Variants in UROS observed in about 807,000 individuals in gnomAD.
The protein encoded by UROS is uroporphyrinogen III synthase.
A neutral mutation model predicts 33.0 loss-of-function variants in UROS; 18 were observed. The observed-to-expected ratio is 0.55, with a 90% confidence interval of 0.38 to 0.81. The LOEUF is 0.81. Ranked by LOEUF, UROS falls within the 30% of genes least tolerant of loss-of-function variation. UROS has a pLI of 0.00. For synonymous variants in UROS, 114 were observed against 121.1 expected, an observed-to-expected ratio of 0.94 and a Z score of 0.38; for missense variants, 293 against 314.9, an observed-to-expected ratio of 0.93 and a Z score of 0.53.
chr10:125,808,290 G>C (rs1852507707), intron 5 of UROS, among the ~76,000 whole-genome samples: 1 of 152,216 alleles, frequency 6.6e-6, no homozygotes, highest in Admixed American at 6.5e-5. Flanking sequence ...TTTCCACTTA[G>C]GAGTCACACA....
At chr10:125,804,475 C>A (rs1000390607) in intron 6 of UROS, among the ~76,000 whole-genome samples, 6 of 152,190 alleles carry the variant, frequency 3.9e-5, no homozygotes, top group African/African-American at 1.2e-4. Context: ...GTTCTGTGAG[C>A]CATTCTAGCA....
chr10:125,795,996 A>T (rs1851318264), intron 8 of UROS, 107 bp downstream of exon 8: 2 of 955,152 alleles, frequency 2.1e-6, no homozygotes, highest in Non-Finnish European at 3.4e-6. Context: ...ACAGCTGGGG[A>T]CAGTGAAACC....
At chr10:125,802,650 T>A (rs956135734) in intron 6 of UROS, 46 of 1,191,604 alleles carry the variant, frequency 3.9e-5, no homozygotes, top group Non-Finnish European at 4.8e-5. Flanking sequence ...GATTACAGTC[T>A]CCTGAACTGT....
chr10:125,795,306 A>G (rs986125130), intron 8 of UROS: 7 of 385,042 alleles, frequency 1.8e-5, no homozygotes, highest in African/African-American at 4.2e-5. Flanking sequence ...CACTGATCAC[A>G]TGAGGCAGTG....
At chr10:125,799,578 G>A (rs1232548583) in intron 6 of UROS, among the ~76,000 whole-genome samples, 1 of 152,204 alleles carries the variant, frequency 6.6e-6, no homozygotes, top group Non-Finnish European at 1.5e-5. Flanking sequence ...GTCCAGTGGA[G>A]TCCTGAGCTG....
At chr10:125,802,133 T>A in intron 6 of UROS, 1 of 985,474 alleles carries the variant, frequency 1.0e-6, no homozygotes, top group Non-Finnish European at 1.2e-6. Context: ...TGATGATGAC[T>A]CTCTAGAAAC....
At chr10:125,822,847 G>A (rs1854110497) in intron 1 of UROS, among the ~76,000 whole-genome samples, 182 bp downstream of exon 1, 1 of 152,206 alleles carries the variant, frequency 6.6e-6, no homozygotes, top group Admixed American at 6.5e-5. Context: ...AGGGTAGGCT[G>A]GGCAGGCGCC....
rs1478712535 is a variant in UROS, at chr10:125,823,119, G to A, written c.-117C>T. 1 of 157,352 alleles carries A rather than the reference G, an allele frequency of 6.4e-6. No homozygotes were observed. The highest frequency in any genetic ancestry group is 1.9e-4 in the East Asian group (1 of 5,324). The allele number at this position is 157,352 out of a possible 1,614,324, so 9.7% of individuals were successfully genotyped here. ...CGCAGTCCCAGCGAAAAGGCTGCAG[G>A]AGCAATGACAACAGGGGCGGAAGCC... On this transcript the variant is annotated 5_prime_UTR_variant, in exon 1 of 10. Coordinates refer to ENST00000368797, the MANE Select transcript of UROS (RefSeq NM_000375.3).
chr10:125,802,512 T>C, intron 6 of UROS: 1 of 990,278 alleles, frequency 1.0e-6, no homozygotes, highest in Non-Finnish European at 1.2e-6. Flanking sequence ...TGAATTGGCC[T>C]CCAGAGGGCT....
intron 6 of UROS, chr10:125,803,163 C>A: frequency 8.3e-7 from 1 of 1,206,520 alleles, no homozygotes. Flanking sequence ...AGCTCTGTTC[C>A]TTATGGACAA....
chr10:125,797,381 T>C (rs975645476), intron 7 of UROS, among the ~76,000 whole-genome samples: 1 of 152,204 alleles, frequency 6.6e-6, no homozygotes, highest in African/African-American at 2.4e-5. Flanking sequence ...CAGATAAGGA[T>C]ACTGATGCAC....
downstream of UROS, chr10:125,785,743 G>A (rs914327206): frequency 3.3e-5 from 5 of 152,242 alleles, no homozygotes; most frequent in Non-Finnish European, 7.3e-5. Context: ...CTGGGCCTGG[G>A]GGGCCAGTTG....
chr10:125,795,240 C>T lies in UROS; in HGVS notation c.562-262G>A, dbSNP rs41306011. On this transcript the variant is annotated intron_variant, in intron 8 of 9. Coordinates refer to ENST00000368797, the MANE Select transcript of UROS (RefSeq NM_000375.3). ...GCCTGGCCAGAGGACATGGGCATCC[C>T]GGAGCTCATGTGCCCAGCAGCCTAG... 4,525 of 512,860 alleles carry T rather than the reference C, an allele frequency of 8.8e-3. 30 individuals carry two copies. The highest frequency in any genetic ancestry group is 0.013 in the Non-Finnish European group (3,807 of 282,150). The allele number at this position is 512,860 out of a possible 1,614,324, so 31.8% of individuals were successfully genotyped here.
At chr10:125,821,460 G>A (rs1018985442) in intron 1 of UROS, among the ~76,000 whole-genome samples, 1 of 152,216 alleles carries the variant, frequency 6.6e-6, no homozygotes, top group African/African-American at 2.4e-5. Context: ...AAAGTAGAAA[G>A]GTCATGGAGG....
intron 1 of UROS, among the ~76,000 whole-genome samples, chr10:125,817,313 C>G (rs931321627): frequency 7.0e-6 from 1 of 143,632 alleles, no homozygotes; most frequent in Non-Finnish European, 1.5e-5. Context: ...GGTGATCTAC[C>G]TGCCTCGGCC....
At position 125,816,191 on chromosome 10, in the gene UROS, T is replaced by G. The variant is rs199951407; in HGVS notation, c.133A>C (p.Ser45Arg). Residue 45 changes from serine to arginine, a missense_variant, in exon 3 of 10, where the codon AGT becomes CGT. By Grantham distance (110) the Ser-to-Arg change is moderately radical. Coordinates refer to ENST00000368797, the MANE Select transcript of UROS (RefSeq NM_000375.3). ...VLSFEFLSLPSFSEKLSHPED... is the reference protein window; with the variant it reads ...VLSFEFLSLPRFSEKLSHPED... ...ACAGGCCTTACCTTCTCAGAGAAAC[T>G]GGGAAGAGACAAAAACTCAAACGAT... The G allele has an allele frequency of 1.4e-4, 224 of 1,614,046 alleles. No homozygotes were observed. The highest frequency in any genetic ancestry group is 1.8e-4 in the Non-Finnish European group (209 of 1,180,026).
intron 1 of UROS, among the ~76,000 whole-genome samples, chr10:125,818,142 T>C (rs539771923): frequency 6.6e-6 from 1 of 152,324 alleles, no homozygotes; most frequent in African/African-American, 2.4e-5. Context: ...ATTTGTCTTC[T>C]TTTTTAATCC....
chr10:125,800,848 G>A (rs1851790559), intron 6 of UROS, among the ~76,000 whole-genome samples: 1 of 152,188 alleles, frequency 6.6e-6, no homozygotes, highest in African/African-American at 2.4e-5. Context: ...GGGATTACAG[G>A]AGTGAGCCAC....
chr10:125,797,574 G>A (rs1851467331), intron 7 of UROS, among the ~76,000 whole-genome samples: 1 of 152,236 alleles, frequency 6.6e-6, no homozygotes, highest in Non-Finnish European at 1.5e-5. Flanking sequence ...ATCGAGGACG[G>A]CAGCATGCTT....
Sources: allele counts gnomAD v4.1 joint callset (sites outside exome capture counted in the v4.1 genomes callset), GRCh38; gene constraint gnomAD v4.1.1; transcripts MANE v1.5; gene names NCBI Gene and HGNC (gene_info 2026-07-23, HGNC 2026-07-21).